Variants in CCSER1 observed in about 807,000 individuals in gnomAD.
The protein encoded by CCSER1 is serine-rich coiled-coil domain-containing protein 1.
In CCSER1, 41 loss-of-function variants were observed where a neutral mutation model predicts 82.0. The ratio of observed to expected loss-of-function variants is 0.50; its 90% confidence interval spans 0.39 to 0.65. The LOEUF is 0.65. CCSER1 is among the 30% of genes least tolerant of loss of function. The pLI, the probability that CCSER1 is intolerant of heterozygous loss-of-function variation, is 0.00. For synonymous variants in CCSER1, 414 were observed against 383.9 expected, an observed-to-expected ratio of 1.08 and a Z score of -0.92; for missense variants, 1,119 against 1,064.2, an observed-to-expected ratio of 1.05 and a Z score of -0.72.
At chr4:90,564,028 A>T (rs551769875) in intron 5 of CCSER1, among the ~76,000 whole-genome samples, 9 of 152,278 alleles carry the variant, frequency 5.9e-5, no homozygotes, top group African/African-American at 2.2e-4. Context: ...CCTTTCCCTG[A>T]TGATTAATGG....
intron 9 of CCSER1, among the ~76,000 whole-genome samples, chr4:91,049,321 G>A (rs981191060): frequency 1.3e-5 from 2 of 152,106 alleles, no homozygotes; most frequent in African/African-American, 4.8e-5. Flanking sequence ...GCACCTATTT[G>A]AATCCTTTAC....
intron 10 of CCSER1, among the ~76,000 whole-genome samples, chr4:91,532,866 T>C (rs1423271429): frequency 6.7e-6 from 1 of 149,406 alleles, no homozygotes; most frequent in Non-Finnish European, 1.5e-5. Flanking sequence ...TGAAACCCTG[T>C]CTCATAAAAA....
chr4:90,130,889 G>A (rs984076250), intron 1 of CCSER1, among the ~76,000 whole-genome samples: 4 of 152,026 alleles, frequency 2.6e-5, no homozygotes, highest in African/African-American at 9.7e-5. Flanking sequence ...CCTGTGCTGG[G>A]ATTACAGGCG....
chr4:91,329,464 T>C (rs1375683626), intron 10 of CCSER1, among the ~76,000 whole-genome samples: 1 of 152,174 alleles, frequency 6.6e-6, no homozygotes, highest in Non-Finnish European at 1.5e-5. Flanking sequence ...GAGTTTCCCA[T>C]ATTATTTAGT....
At chr4:90,462,725 G>T (rs181577989) in intron 4 of CCSER1, among the ~76,000 whole-genome samples, 1 of 152,068 alleles carries the variant, frequency 6.6e-6, no homozygotes, top group Non-Finnish European at 1.5e-5. Flanking sequence ...CAGCTTGGGC[G>T]AATAATAAAA....
chr4:90,273,292 G>A (rs1177046363), intron 1 of CCSER1, among the ~76,000 whole-genome samples: 1 of 152,030 alleles, frequency 6.6e-6, no homozygotes, highest in East Asian at 1.9e-4. Context: ...ATGAGATCTA[G>A]TATTTGACAG....
At chr4:91,352,548 G>T (rs1404269798) in intron 10 of CCSER1, among the ~76,000 whole-genome samples, 1 of 152,150 alleles carries the variant, frequency 6.6e-6, no homozygotes, top group Non-Finnish European at 1.5e-5. Flanking sequence ...CCGGCAGGAA[G>T]ATTTATTTGA....
Position 91,587,988 on chromosome 4 carries a change from TAATAAAATGAAAATAATTGAC to T in CCSER1, c.2218-10559_2218-10539del, listed in dbSNP as rs920910824. 1.6e-4 allele frequency among the ~76,000 whole-genome samples: 24 copies of T among 151,706 alleles called. No individual in the cohort carries two copies. The East Asian group carries it at 3.3e-3, about 21-fold the overall frequency. On this transcript the variant is annotated intron_variant, in intron 10 of 10. Coordinates refer to ENST00000509176, the MANE Select transcript of CCSER1 (RefSeq NM_001145065.2). Reference sequence around the variant, plus strand: ...TTCAGTGAGCAAGAAGTTAAGATATTAATAAAATGAAAATAATTGACAATAAAATGAAAATAATTGACAATT... The same window carrying T: ...TTCAGTGAGCAAGAAGTTAAGATATTAATAAAATGAAAATAATTGACAATT...
intron 10 of CCSER1, among the ~76,000 whole-genome samples, chr4:91,094,157 A>G (rs749448161): frequency 6.6e-6 from 1 of 152,172 alleles, no homozygotes; most frequent in Non-Finnish European, 1.5e-5. Flanking sequence ...AAGATTGTCC[A>G]CGTACTGGAG....
At chr4:91,462,342 A>C (rs974549836) in intron 10 of CCSER1, among the ~76,000 whole-genome samples, 4 of 152,276 alleles carry the variant, frequency 2.6e-5, no homozygotes, top group African/African-American at 9.6e-5. Flanking sequence ...ATTTTTGATA[A>C]ATATTTCTGT....
chr4:90,132,570 T>C (rs1391866928), intron 1 of CCSER1, among the ~76,000 whole-genome samples: 1 of 152,220 alleles, frequency 6.6e-6, no homozygotes, highest in Admixed American at 6.5e-5. Context: ...CAAGATATTG[T>C]TATCAGTCTA....
In CCSER1 at chr4:90,957,601, T is replaced by C. The variant is rs868040255; in HGVS notation, c.2172+34154T>C. Among the ~76,000 whole-genome samples, 54 of 129,710 alleles carry C rather than the reference T, an allele frequency of 4.2e-4. No individual in the cohort carries two copies. The Middle Eastern group carries it at 0.019, about 44-fold the overall frequency. 85.1% of individuals were successfully genotyped at this position (129,710 alleles called of 152,430 possible). On this transcript the variant is annotated intron_variant, in intron 9 of 10. Transcript: ENST00000509176. Reference sequence around the variant, plus strand: ...ATATAATATATTATTATTTATATTATATATAATATATATTATATTGTATAT... The same window carrying C: ...ATATAATATATTATTATTTATATTACATATAATATATATTATATTGTATAT...
At chr4:90,830,913 C>T (rs1268723671) in intron 8 of CCSER1, among the ~76,000 whole-genome samples, 1 of 152,092 alleles carries the variant, frequency 6.6e-6, no homozygotes, top group African/African-American at 2.4e-5. Context: ...ACAGATATCC[C>T]ATCCATATAA....
At chr4:90,729,481 GAGA>G (rs1254505443) in intron 7 of CCSER1, among the ~76,000 whole-genome samples, 3 of 152,066 alleles carry the variant, frequency 2.0e-5, no homozygotes, top group Non-Finnish European at 4.4e-5. Flanking sequence ...TATTAATTTT[GAGA>G]AGGAGTAAAT....
At chr4:91,465,251 G>A (rs1417507128) in intron 10 of CCSER1, among the ~76,000 whole-genome samples, 2 of 152,144 alleles carry the variant, frequency 1.3e-5, no homozygotes, top group African/African-American at 4.8e-5. Flanking sequence ...GCTCCTGAAT[G>A]ATTACTGGGT....
intron 9 of CCSER1, among the ~76,000 whole-genome samples, chr4:90,967,304 C>T (rs1461467160): frequency 6.6e-6 from 1 of 151,770 alleles, no homozygotes; most frequent in Non-Finnish European, 1.5e-5. Context: ...AAAAAATTAG[C>T]TGGGCGTGGT....
chr4:90,779,900 AC>A (rs1321744379), intron 7 of CCSER1, among the ~76,000 whole-genome samples: 3 of 152,208 alleles, frequency 2.0e-5, no homozygotes, highest in Admixed American at 2.0e-4. Context: ...AAATCTGAAA[AC>A]CAACGCCAAT....
intron 5 of CCSER1, among the ~76,000 whole-genome samples, chr4:90,562,872 T>C (rs554718131): frequency 2.1e-5 from 3 of 145,638 alleles, no homozygotes; most frequent in South Asian, 4.3e-4. Context: ...AAAAAAGACC[T>C]AAAGATATCT....
chr4:91,171,821 A>G (rs1732787975), intron 10 of CCSER1, among the ~76,000 whole-genome samples: 1 of 152,156 alleles, frequency 6.6e-6, no homozygotes, highest in African/African-American at 2.4e-5. Flanking sequence ...ATGATTCATA[A>G]AACTGTCACC....
Sources: allele counts gnomAD v4.1 joint callset (sites outside exome capture counted in the v4.1 genomes callset), GRCh38; gene constraint gnomAD v4.1.1; transcripts MANE v1.5; gene names NCBI Gene and HGNC (gene_info 2026-07-23, HGNC 2026-07-21).